The following SPPL3 variants were observed in gnomAD, a reference collection of about 807,000 sequenced individuals.
SPPL3 encodes the protein signal peptide peptidase like 3.
SPPL3 carries 5 observed loss-of-function variants against 42.4 expected under a neutral mutation model. That is an observed-to-expected ratio of 0.12 (90% CI 0.06 to 0.25). The LOEUF is 0.25. SPPL3 is among the 10% of genes least tolerant of loss of function. The pLI is 1.00. For missense variants in SPPL3, 235 were observed against 489.0 expected (o/e 0.48, Z 4.90); for synonymous variants, 195 against 181.8 (o/e 1.07, Z -0.58).
chr12:120,776,571 G>A (rs1869328874), intron 6 of SPPL3, among the ~76,000 whole-genome samples: 1 of 151,882 alleles, frequency 6.6e-6, no homozygotes, highest in East Asian at 1.9e-4. Context: ...CTTCCACCAT[G>A]CTGAACTTTT....
chr12:120,847,689 C>T (rs1425411424), intron 1 of SPPL3, among the ~76,000 whole-genome samples: 7 of 151,962 alleles, frequency 4.6e-5, no homozygotes, highest in Admixed American at 1.3e-4. Context: ...CCTTGGCTTC[C>T]GAAAGTGCTA....
At chr12:120,815,071 T>C (rs1870820154) in intron 1 of SPPL3, among the ~76,000 whole-genome samples, 2 of 152,250 alleles carry the variant, frequency 1.3e-5, no homozygotes, top group African/African-American at 4.8e-5. Context: ...CAAGTAATTC[T>C]GTAATAATGG....
chr12:120,794,213 C>T (rs1461697796), intron 2 of SPPL3, among the ~76,000 whole-genome samples: 6 of 152,094 alleles, frequency 3.9e-5, no homozygotes, highest in African/African-American at 1.4e-4. Flanking sequence ...TACAGCCATT[C>T]CAGCTTTCTG....
intron 1 of SPPL3, among the ~76,000 whole-genome samples, chr12:120,899,750 G>A (rs771612308): frequency 1.8e-4 from 27 of 151,840 alleles, no homozygotes; most frequent in African/African-American, 3.6e-4. Flanking sequence ...AAAATTAGCC[G>A]GGCATGGTGG....
intron 6 of SPPL3, 42 bp downstream of exon 6, chr12:120,782,613 C>G: frequency 7.0e-7 from 1 of 1,429,256 alleles, no homozygotes; most frequent in East Asian, 2.5e-5. Flanking sequence ...CTATAAAACT[C>G]TATAAAGTAA....
chr12:120,848,864 T>C (rs1406111372), intron 1 of SPPL3, among the ~76,000 whole-genome samples: 5 of 152,186 alleles, frequency 3.3e-5, no homozygotes, highest in Non-Finnish European at 7.3e-5. Context: ...TTTATCACTT[T>C]AGTGTAATAA....
rs192356193 is a variant in SPPL3 at position 120,799,415 on chromosome 12, T to C, written c.102-7858A>G. Among the ~76,000 whole-genome samples the C allele has an allele frequency of 2.9e-4, 44 of 152,314 alleles. No homozygotes were observed. The Middle Eastern group carries it at 0.014, about 47-fold the overall frequency. ...AGTGGAAAAATCTTAAGTTGAACCA[T>C]CATTAAGTCAAACCGTTGGTAAGCT... On this transcript the variant is annotated intron_variant, in intron 2 of 10. Coordinates refer to ENST00000353487, the MANE Select transcript of SPPL3 (RefSeq NM_139015.5).
chr12:120,852,757 T>TAC (rs1872285115), intron 1 of SPPL3, among the ~76,000 whole-genome samples: 2 of 69,970 alleles, frequency 2.9e-5, no homozygotes, highest in South Asian at 6.6e-4. Context: ...TCATATATTA[T>TAC]ATCTATGTAT....
chr12:120,841,680 C>T lies in SPPL3; in HGVS notation c.24-30794G>A, dbSNP rs531488408. Among the ~76,000 whole-genome samples the T allele has an allele frequency of 4.6e-5, 7 of 152,160 alleles. No individual in the cohort carries two copies. In the East Asian group the frequency reaches 7.7e-4, roughly 17 times the overall value. ...CAAAACGTATTAATTGGCCAAGTCC[C>T]AGTCTGTGCTTTATACAATTAGCCC... On this transcript the variant is annotated intron_variant, in intron 1 of 10. Transcript: ENST00000353487.
intron 2 of SPPL3, among the ~76,000 whole-genome samples, chr12:120,807,278 G>A (rs1241390370): frequency 6.6e-6 from 1 of 152,074 alleles, no homozygotes; most frequent in Non-Finnish European, 1.5e-5. Flanking sequence ...GTTTCAGAAA[G>A]CCCTTACCTG....
intron 1 of SPPL3, among the ~76,000 whole-genome samples, chr12:120,882,242 A>G (rs591609): frequency 0.96 from 145,677 of 152,070 alleles, 70,142 homozygotes; most frequent in East Asian, 1. Context: ...TACTATCGGC[A>G]GTTTCAAGGT....
chr12:120,772,219 A>AC (rs1187914254), intron 6 of SPPL3, among the ~76,000 whole-genome samples: 3 of 152,062 alleles, frequency 2.0e-5, no homozygotes, highest in Non-Finnish European at 2.9e-5. Flanking sequence ...ACAGGGTTTC[A>AC]CCATGTTGGT....
Position 120,764,669 on chromosome 12 carries a change from T to C in SPPL3, c.*330A>G. Reference sequence around the variant, plus strand: ...GTTCTAGAAAGACTCCTCGCTGTTTTCAGTTTTTAAACAGTCAAATCTCCA... The same window carrying C: ...GTTCTAGAAAGACTCCTCGCTGTTTCCAGTTTTTAAACAGTCAAATCTCCA... On this transcript the variant is annotated 3_prime_UTR_variant, in exon 11 of 11. Coordinates refer to ENST00000353487, the MANE Select transcript of SPPL3 (RefSeq NM_139015.5). The C allele has an allele frequency of 2.5e-6, 1 of 396,306 alleles. No individual in the cohort carries two copies. Among genetic ancestry groups the C allele is most frequent in the East Asian group, 3.6e-5 (1 of 27,940 alleles). 24.5% of individuals were successfully genotyped at this position (396,306 alleles called of 1,614,324 possible).
At chr12:120,867,024 A>C (rs1872774523) in intron 1 of SPPL3, among the ~76,000 whole-genome samples, 1 of 152,234 alleles carries the variant, frequency 6.6e-6, no homozygotes, top group Non-Finnish European at 1.5e-5. Context: ...AGTCAGTCAT[A>C]GGTAACCTCC....
chr12:120,867,762 T>C (rs879537875), intron 1 of SPPL3, among the ~76,000 whole-genome samples: 11 of 151,990 alleles, frequency 7.2e-5, no homozygotes, highest in Non-Finnish European at 1.5e-4. Flanking sequence ...AAATTTTTTT[T>C]TGAGACAGAG....
intron 1 of SPPL3, among the ~76,000 whole-genome samples, chr12:120,816,405 T>C (rs956863076): frequency 9.2e-5 from 14 of 152,246 alleles, no homozygotes; most frequent in Non-Finnish European, 1.6e-4. Flanking sequence ...TCTAACAATT[T>C]GGCAAACTTT....
At chr12:120,877,802 G>GAA (rs1873153564) in intron 1 of SPPL3, among the ~76,000 whole-genome samples, 2 of 133,348 alleles carry the variant, frequency 1.5e-5, no homozygotes, top group Non-Finnish European at 3.3e-5. Context: ...AAGAAAGAAA[G>GAA]AAAGAAAAAG....
At chr12:120,891,744 A>G (rs1302503158) in intron 1 of SPPL3, among the ~76,000 whole-genome samples, 1 of 151,676 alleles carries the variant, frequency 6.6e-6, no homozygotes, top group African/African-American at 2.4e-5. Context: ...TCTAAAAAAA[A>G]AAAAAAAAAA....
At chr12:120,888,814 T>C (rs1305960767) in intron 1 of SPPL3, among the ~76,000 whole-genome samples, 1 of 152,220 alleles carries the variant, frequency 6.6e-6, no homozygotes, top group Admixed American at 6.5e-5. Flanking sequence ...TTATATCTTA[T>C]ATTTTATTTT....
Sources: allele counts gnomAD v4.1 joint callset (sites outside exome capture counted in the v4.1 genomes callset), GRCh38; gene constraint gnomAD v4.1.1; transcripts MANE v1.5; gene names NCBI Gene and HGNC (gene_info 2026-07-23, HGNC 2026-07-21).